The following GABRB2 variants were observed in gnomAD, a reference collection of about 807,000 sequenced individuals.
GABRB2 encodes gamma-aminobutyric acid type A receptor subunit beta2, also known as gamma-aminobutyric acid receptor subunit beta-2.
GABRB2 carries 16 observed loss-of-function variants against 54.7 expected under a neutral mutation model. The observed-to-expected ratio is 0.29, with a 90% CI of 0.20 to 0.44. The LOEUF is 0.44. GABRB2 is among the 20% of genes least tolerant of loss of function. The probability of loss-of-function intolerance (pLI) is 1.00; values close to 1 mark genes in which losing one functional copy is unlikely to be tolerated. For synonymous variants in GABRB2, 244 were observed against 233.8 expected (o/e 1.04, Z -0.40); for missense variants, 355 against 644.0 (o/e 0.55, Z 4.86).
At chr5:161,443,856 G>C (rs1757534353) in intron 4 of GABRB2, among the ~76,000 whole-genome samples, 1 of 152,056 alleles carries the variant, frequency 6.6e-6, no homozygotes, top group Non-Finnish European at 1.5e-5. Context: ...ATTTAGGGAG[G>C]CTCCATAAAT....
At chr5:161,371,514 T>C (rs956353540) in intron 5 of GABRB2, among the ~76,000 whole-genome samples, 11 of 152,176 alleles carry the variant, frequency 7.2e-5, no homozygotes, top group African/African-American at 2.2e-4. Context: ...TGATACAGCA[T>C]AGCACCCCAA....
chr5:161,546,036 T>A (rs1419875604), intron 2 of GABRB2, among the ~76,000 whole-genome samples: 1 of 152,184 alleles, frequency 6.6e-6, no homozygotes, highest in Non-Finnish European at 1.5e-5. Flanking sequence ...GAGGTTTGTG[T>A]CTCAACAAAG....
chr5:161,475,446 A>G (rs1029421274), intron 3 of GABRB2, among the ~76,000 whole-genome samples: 2 of 152,006 alleles, frequency 1.3e-5, no homozygotes, highest in African/African-American at 4.8e-5. Context: ...CAGAAAAAAT[A>G]GGGAACACTT....
chr5:161,512,374 C>T (rs998616021), intron 3 of GABRB2, among the ~76,000 whole-genome samples: 1 of 151,928 alleles, frequency 6.6e-6, no homozygotes, highest in African/African-American at 2.4e-5. Flanking sequence ...CAGCATGGTA[C>T]TGACACAAAA....
At chr5:161,334,953 G>A in intron 6 of GABRB2, 49 bp from the exon 7 acceptor site, 2 of 1,573,526 alleles carry the variant, frequency 1.3e-6, no homozygotes, top group African/African-American at 1.4e-5. Context: ...ATATTTATAG[G>A]ATACTTTTCT....
intron 4 of GABRB2, among the ~76,000 whole-genome samples, chr5:161,426,019 A>G (rs1490060176): frequency 1.3e-5 from 2 of 152,146 alleles, no homozygotes; most frequent in African/African-American, 4.8e-5. Context: ...GCAATTAGAA[A>G]AGATAAAGAA....
rs566391606 is a variant in GABRB2 at position 161,543,546 on chromosome 5, T to C, written c.237+1681A>G. Among the ~76,000 whole-genome samples, 4 of 152,112 alleles carry C rather than the reference T, an allele frequency of 2.6e-5. No individual in the cohort carries two copies. The South Asian group carries it at 6.2e-4, about 24-fold the overall frequency. The stretch of plus-strand genomic sequence containing the variant: ...AAGACTTGGGACTGAGAGAAGAGCA[T>C]AAAAAAAGCAAAATGCAAAAGAGAG... On this transcript the variant is annotated intron_variant, in intron 3 of 9. Coordinates refer to ENST00000393959, the MANE Select transcript of GABRB2 (RefSeq NM_001371727.1).
At chr5:161,375,334 T>C (rs182434156) in intron 5 of GABRB2, among the ~76,000 whole-genome samples, 12 of 152,336 alleles carry the variant, frequency 7.9e-5, no homozygotes, top group Admixed American at 7.2e-4. Flanking sequence ...TTTAGGTGTC[T>C]AGTTTCCCTT....
At chr5:161,365,055 G>A (rs760889659) in intron 5 of GABRB2, among the ~76,000 whole-genome samples, 2 of 152,162 alleles carry the variant, frequency 1.3e-5, no homozygotes, top group African/African-American at 2.4e-5. Context: ...AGACAAATTA[G>A]TGGTACTGAG....
At chr5:161,416,745 C>G (rs955446879) in intron 4 of GABRB2, among the ~76,000 whole-genome samples, 1 of 94,756 alleles carries the variant, frequency 1.1e-5, no homozygotes, top group Non-Finnish European at 2.5e-5. Context: ...TTAACCCTAA[C>G]TATATTCAAA....
At chr5:161,401,011 A>G (rs1756170120) in intron 5 of GABRB2, among the ~76,000 whole-genome samples, 1 of 152,098 alleles carries the variant, frequency 6.6e-6, no homozygotes, top group African/African-American at 2.4e-5. Context: ...ATCTCTCTGT[A>G]TCTAAAATTC....
At chr5:161,388,742 G>C (rs976428631) in intron 5 of GABRB2, among the ~76,000 whole-genome samples, 1 of 151,772 alleles carries the variant, frequency 6.6e-6, no homozygotes, top group Non-Finnish European at 1.5e-5. Context: ...CCAATAAGTA[G>C]TATAATGTTT....
chr5:161,527,794 A>T (rs1451724569), intron 3 of GABRB2, among the ~76,000 whole-genome samples: 1 of 151,574 alleles, frequency 6.6e-6, no homozygotes, highest in African/African-American at 2.4e-5. Flanking sequence ...ATTAGCAAAG[A>T]TGAAAAGAAT....
intron 4 of GABRB2, among the ~76,000 whole-genome samples, chr5:161,458,079 C>T (rs1057047137): frequency 2.0e-5 from 3 of 152,126 alleles, no homozygotes; most frequent in Non-Finnish European, 4.4e-5. Flanking sequence ...TCCCTCCATG[C>T]TTAACTTTTT....
chr5:161,289,203 A>G lies in GABRB2; in HGVS notation c.*4878T>C, dbSNP rs1185357408. The G allele has an allele frequency of 6.8e-6, 1 of 147,346 alleles. No individual in the cohort carries two copies. Among genetic ancestry groups the G allele is most frequent in the Non-Finnish European group, 1.5e-5 (1 of 67,510 alleles). 9.1% of individuals were successfully genotyped at this position (147,346 alleles called of 1,614,324 possible). On this transcript the variant is annotated 3_prime_UTR_variant, in exon 10 of 10. Transcript: ENST00000393959. ...ACAGAAATATTTTACTTCAATTTCC[A>G]AAAACCTAGTAGCTTTTTAAGAGTG...
intron 4 of GABRB2, among the ~76,000 whole-genome samples, chr5:161,434,847 C>G (rs1757265640): frequency 6.6e-6 from 1 of 152,126 alleles, no homozygotes; most frequent in South Asian, 2.1e-4. Flanking sequence ...CCAATGAAAT[C>G]AGATGATTTT....
rs142269895 is a variant in GABRB2, at chr5:161,531,842, AAC to A, written c.237+13383_237+13384del. 4.8e-3 allele frequency among the ~76,000 whole-genome samples: 733 copies of A among 152,226 alleles called. 9 individuals carry two copies. Among genetic ancestry groups the A allele is most frequent in the African/African-American group, 0.017 (692 of 41,564 alleles). On this transcript the variant is annotated intron_variant, in intron 3 of 9. Coordinates refer to ENST00000393959, the MANE Select transcript of GABRB2 (RefSeq NM_001371727.1). ...AATTTCTATTTCAGATATGTTTGAT[AAC>A]ATACACTGCATATTAATACATAAAT...
intron 3 of GABRB2, among the ~76,000 whole-genome samples, chr5:161,463,558 T>TATATATAG (rs1561659507): frequency 1.1e-3 from 47 of 41,132 alleles, no homozygotes; most frequent in African/African-American, 3.0e-3. Flanking sequence ...TTTTTATTTA[T>TATATATAG]ATATATATAT....
At chr5:161,467,623 T>C (rs1758316668) in intron 3 of GABRB2, among the ~76,000 whole-genome samples, 1 of 152,078 alleles carries the variant, frequency 6.6e-6, no homozygotes, top group African/African-American at 2.4e-5. Context: ...TTTGTCAGTA[T>C]TTCCACTTTT....
Sources: allele counts gnomAD v4.1 joint callset (sites outside exome capture counted in the v4.1 genomes callset), GRCh38; gene constraint gnomAD v4.1.1; transcripts MANE v1.5; gene names NCBI Gene and HGNC (gene_info 2026-07-23, HGNC 2026-07-21).